Variants in ACOXL observed in about 807,000 individuals in gnomAD.
The protein encoded by ACOXL is acyl-CoA oxidase like, also known as acyl-coenzyme A oxidase-like protein.
In ACOXL, 70 loss-of-function variants were observed where a neutral mutation model predicts 71.9. The observed-to-expected ratio is 0.97, with a 90% CI of 0.80 to 1.19. The LOEUF (loss-of-function observed/expected upper bound fraction) is 1.19, where lower values mean the gene tolerates loss of function less well. Among genes scored for constraint, ACOXL ranks in the 50% most tolerant of loss-of-function variants. The probability of loss-of-function intolerance (pLI) is 0.00; values close to 1 mark genes in which losing one functional copy is unlikely to be tolerated. For synonymous variants in ACOXL, 253 were observed against 281.6 expected (o/e 0.90, Z 1.02); for missense variants, 703 against 736.3 (o/e 0.95, Z 0.52).
chr2:110,897,181 A>C (rs185880481), intron 10 of ACOXL, among the ~76,000 whole-genome samples: 51 of 152,320 alleles, frequency 3.3e-4, no homozygotes, highest in African/African-American at 1.2e-3. Flanking sequence ...GTTGAACTAG[A>C]TGGAACTGAA....
At chr2:111,049,127 C>A in intron 15 of ACOXL, 91 bp from the exon 16 acceptor site, 3 of 996,258 alleles carry the variant, frequency 3.0e-6, no homozygotes, top group Non-Finnish European at 4.7e-6. Context: ...ATGCTGTTTA[C>A]GTCTGTTATA....
chr2:111,024,466 C>T (rs767157142), intron 14 of ACOXL, among the ~76,000 whole-genome samples: 5 of 152,130 alleles, frequency 3.3e-5, no homozygotes, highest in Non-Finnish European at 5.9e-5. Context: ...CACTGGCAAC[C>T]ACCAGAAGCC....
rs747703219 is a variant in ACOXL at position 110,801,670 on chromosome 2, A to G, written c.566A>G (p.Asn189Ser). ...TTGCCAGGTCTGCATGGTGTGGACAATGGGATATTAATATTTGACAAGGTT... is the reference window on the plus strand; with the variant it reads ...TTGCCAGGTCTGCATGGTGTGGACAGTGGGATATTAATATTTGACAAGGTT... ...MYKEGLHGVDNGILIFDKVRI... is the reference protein window; with the variant it reads ...MYKEGLHGVDSGILIFDKVRI... The change falls in exon 8 of 18, where the codon AAT becomes AGT. Residue 189 changes from asparagine (N) to serine (S), a missense_variant. Transcript: ENST00000439055. 6 of 1,614,128 alleles carry G rather than the reference A, an allele frequency of 3.7e-6. No homozygotes were observed. Among genetic ancestry groups the G allele is most frequent in the Non-Finnish European group, 4.2e-6 (5 of 1,179,986 alleles).
At chr2:110,915,348 A>ATGTGTGTG (rs1188923872) in intron 11 of ACOXL, among the ~76,000 whole-genome samples, 1 of 127,150 alleles carries the variant, frequency 7.9e-6, no homozygotes, top group East Asian at 2.4e-4. Context: ...ATATATATAT[A>ATGTGTGTG]TATGTGTGTG....
At chr2:110,814,449 C>T (rs113460404) in intron 9 of ACOXL, among the ~76,000 whole-genome samples, 4 of 151,138 alleles carry the variant, frequency 2.6e-5, no homozygotes, top group Non-Finnish European at 2.9e-5. Context: ...CTTAGTTTAA[C>T]GGAACAAGTT....
At chr2:111,002,048 G>A (rs889417592) in intron 14 of ACOXL, among the ~76,000 whole-genome samples, 1 of 151,414 alleles carries the variant, frequency 6.6e-6, no homozygotes, top group Non-Finnish European at 1.5e-5. Context: ...TCTCTCTCTG[G>A]AAGCCATGTC....
At chr2:110,761,875 A>G (rs1036173141) in intron 1 of ACOXL, among the ~76,000 whole-genome samples, 5 of 152,186 alleles carry the variant, frequency 3.3e-5, no homozygotes, top group African/African-American at 9.6e-5. Context: ...GAGTTTCCCT[A>G]TATCTTATAG....
intron 13 of ACOXL, among the ~76,000 whole-genome samples, chr2:110,992,642 G>A (rs1013343754): frequency 2.0e-5 from 3 of 152,214 alleles, no homozygotes; most frequent in Admixed American, 6.5e-5. Context: ...GACGAGGTAA[G>A]GCAGATGGAG....
intron 12 of ACOXL, among the ~76,000 whole-genome samples, chr2:110,983,449 G>A (rs1300683193): frequency 6.6e-6 from 1 of 152,174 alleles, no homozygotes; most frequent in African/African-American, 2.4e-5. Flanking sequence ...GATTCCTCCT[G>A]CAGATGGGAC....
chr2:111,087,926 C>G (rs896252584), intron 16 of ACOXL, among the ~76,000 whole-genome samples: 2 of 152,000 alleles, frequency 1.3e-5, no homozygotes, highest in Non-Finnish European at 2.9e-5. Context: ...TCCAGCATCT[C>G]TAAGGAACTT....
At chr2:111,107,552 G>A (rs1250324031) in intron 17 of ACOXL, among the ~76,000 whole-genome samples, 1 of 152,148 alleles carries the variant, frequency 6.6e-6, no homozygotes, top group Non-Finnish European at 1.5e-5. Flanking sequence ...GCAATGGCAC[G>A]ATCTCGGCTT....
intron 16 of ACOXL, among the ~76,000 whole-genome samples, chr2:111,050,118 G>A (rs554994039): frequency 1.3e-5 from 2 of 152,134 alleles, no homozygotes; most frequent in South Asian, 2.1e-4. Context: ...AGGAAACCGC[G>A]TGCACCAGGA....
intron 10 of ACOXL, among the ~76,000 whole-genome samples, chr2:110,864,921 A>G (rs1193608636): frequency 1.3e-5 from 2 of 152,154 alleles, no homozygotes; most frequent in Non-Finnish European, 1.5e-5. Flanking sequence ...GTGATCAGGC[A>G]CCTGTTGGCC....
intron 2 of ACOXL, among the ~76,000 whole-genome samples, chr2:110,783,699 G>C (rs956069305): frequency 6.6e-6 from 1 of 152,076 alleles, no homozygotes; most frequent in Non-Finnish European, 1.5e-5. Flanking sequence ...GGACACATGT[G>C]CACACAGGCA....
chr2:110,922,186 T>A (rs1188060907), intron 11 of ACOXL, among the ~76,000 whole-genome samples: 1 of 152,220 alleles, frequency 6.6e-6, no homozygotes, highest in Non-Finnish European at 1.5e-5. Context: ...GTTTTATCCA[T>A]TTTTTCCTCA....
intron 2 of ACOXL, among the ~76,000 whole-genome samples, chr2:110,769,821 G>A (rs967631224): frequency 2.0e-5 from 3 of 151,188 alleles, no homozygotes; most frequent in Admixed American, 1.3e-4. Flanking sequence ...GCAACAAAGC[G>A]AGACTCTGTC....
intron 15 of ACOXL, among the ~76,000 whole-genome samples, chr2:111,033,397 AC>A (rs1404585626): frequency 6.6e-6 from 1 of 152,212 alleles, no homozygotes; most frequent in African/African-American, 2.4e-5. Flanking sequence ...AAATCCAGCC[AC>A]CAAGTCATCA....
intron 10 of ACOXL, among the ~76,000 whole-genome samples, chr2:110,897,242 A>C (rs981943897): frequency 2.6e-5 from 4 of 152,236 alleles, no homozygotes; most frequent in African/African-American, 7.2e-5. Context: ...TGAGAGGAAA[A>C]TTTTGTAACA....
At position 110,987,026 on chromosome 2, in the gene ACOXL, T is replaced by C. The variant is rs553087182; in HGVS notation, c.1060-82T>C. On this transcript the variant is annotated intron_variant, in intron 12 of 17. Transcript: ENST00000439055. ...TCCAAGGAGTTTGCTAAGTGACAAA[T>C]AGATCTTATTGGGTTGCAGTATTAA... 3 of 1,134,398 alleles carry C rather than the reference T, an allele frequency of 2.6e-6. 1 individual carries two copies. The South Asian group carries it at 4.1e-5, about 16-fold the overall frequency. 70.3% of individuals were successfully genotyped at this position (1,134,398 alleles called of 1,614,324 possible).
Sources: allele counts gnomAD v4.1 joint callset (sites outside exome capture counted in the v4.1 genomes callset), GRCh38; gene constraint gnomAD v4.1.1; transcripts MANE v1.5; gene names NCBI Gene and HGNC (gene_info 2026-07-23, HGNC 2026-07-21).